The following CHRDL1 variants were observed in gnomAD, a reference collection of about 807,000 sequenced individuals.
CHRDL1 encodes chordin like 1.
A neutral mutation model predicts 40.9 loss-of-function variants in CHRDL1; 19 were observed. That is an observed-to-expected ratio of 0.46 (90% confidence interval 0.32 to 0.68). The LOEUF is 0.68. Among genes scored for constraint, CHRDL1 ranks in the 30% least tolerant of loss-of-function variants. The probability of loss-of-function intolerance (pLI) is 0.03; values close to 1 mark genes in which losing one functional copy is unlikely to be tolerated. For missense variants in CHRDL1, 329 were observed against 352.1 expected (o/e 0.93, Z 0.53); for synonymous variants, 136 against 123.4 (o/e 1.10, Z -0.68).
At chrX:110,700,071 T>C (rs756661697) in intron 7 of CHRDL1, among the ~76,000 whole-genome samples, 129 of 112,248 alleles carry the variant, frequency 1.1e-3, no homozygotes, top group Middle Eastern at 4.6e-3. Flanking sequence ...TCCTTCAAAA[T>C]ACAAAAGAAC....
intron 4 of CHRDL1, among the ~76,000 whole-genome samples, chrX:110,758,634 T>G (rs1376413619): frequency 9.0e-6 from 1 of 111,553 alleles, no homozygotes; most frequent in African/African-American, 3.3e-5. Context: ...ACATTTGGTT[T>G]CTCTCTTATA....
At chrX:110,687,826 G>A (rs1301633654) in intron 9 of CHRDL1, among the ~76,000 whole-genome samples, 1 of 110,686 alleles carries the variant, frequency 9.0e-6, no homozygotes, top group Non-Finnish European at 1.9e-5. Context: ...CCAATATTAG[G>A]GACTATATTT....
intron 4 of CHRDL1, among the ~76,000 whole-genome samples, chrX:110,742,976 G>T (rs781566253): frequency 8.9e-6 from 1 of 111,953 alleles, no homozygotes; most frequent in Non-Finnish European, 1.9e-5. Context: ...AGTATCCAGC[G>T]AATGGGATAA....
At position 110,729,740 on chromosome X, in the gene CHRDL1, C is replaced by T. The variant is rs1044213619; in HGVS notation, c.302-8210G>A. On this transcript the variant is annotated intron_variant, in intron 4 of 11. Transcript: ENST00000372042. ...CCTAGGGAGAGGAGAAGCCTTACTT[C>T]AGAGTGTCCCATTTGGATTCAAATT... is the stretch of plus-strand genomic sequence containing the variant. 2.7e-5 allele frequency among the ~76,000 whole-genome samples: 3 copies of T among 111,658 alleles called. No homozygotes were observed. The Admixed American group carries it at 2.8e-4, about 11-fold the overall frequency.
At chrX:110,760,430 A>G (rs1278561792) in intron 3 of CHRDL1, among the ~76,000 whole-genome samples, 1 of 112,439 alleles carries the variant, frequency 8.9e-6, no homozygotes, top group East Asian at 2.8e-4. Flanking sequence ...TTTCATTTAC[A>G]TTTTCCATCC....
rs1474010792 is a variant in CHRDL1 at position 110,694,224 on chromosome X, G to C, written c.717C>G (p.Ser239=). 10 of 1,207,640 alleles carry C rather than the reference G, an allele frequency of 8.3e-6. No homozygotes were observed. Among genetic ancestry groups the C allele is most frequent in the Non-Finnish European group, 1.1e-5 (10 of 893,116 alleles). The change falls in exon 8 of 12, where the codon TCC becomes TCG. Residue 239 remains serine, a synonymous_variant. Coordinates refer to ENST00000372042, the MANE Select transcript of CHRDL1 (RefSeq NM_001143981.2). ...GCACAATGGTTCCTGATGCTTGCTG[G>C]GAATCCATAAGAGCTCCCCGGTGAC... is the stretch of plus-strand genomic sequence containing the variant. The part of the protein sequence containing the change: ...ARSHRGALMD[S]QQASGTIVQI...
At chrX:110,700,134 A>C (rs1461443988) in intron 7 of CHRDL1, among the ~76,000 whole-genome samples, 2 of 112,112 alleles carry the variant, frequency 1.8e-5, no homozygotes, top group Admixed American at 9.5e-5. Flanking sequence ...GCTTATTCTG[A>C]GATTAGTGCA....
chrX:110,769,675 T>A (rs1170067323), intron 2 of CHRDL1, among the ~76,000 whole-genome samples: 3 of 112,164 alleles, frequency 2.7e-5, no homozygotes, highest in Admixed American at 9.4e-5. Flanking sequence ...ACATCTCACA[T>A]GGCAGCATTC....
In CHRDL1 at chrX:110,689,460, ATATATATC is replaced by A. The variant is rs1209955497; in HGVS notation, c.779-665_779-658del. ...TATATCTATATATATCTATATATCTATATATATCTATATATCTATATATCTATATCTCT... is the reference window on the plus strand; with the variant it reads ...TATATCTATATATATCTATATATCTATATATATCTATATATCTATATCTCT... On this transcript the variant is annotated intron_variant, in intron 8 of 11. Coordinates refer to ENST00000372042, the MANE Select transcript of CHRDL1 (RefSeq NM_001143981.2). Among the ~76,000 whole-genome samples the A allele has an allele frequency of 5.0e-4, 26 of 52,417 alleles. 1 individual carries two copies. In the East Asian group the frequency reaches 5.7e-3, roughly 12 times the overall value. 45.5% of individuals were successfully genotyped at this position (52,417 alleles called of 115,157 possible).
intron 4 of CHRDL1, among the ~76,000 whole-genome samples, chrX:110,751,065 C>T (rs926963542): frequency 9.0e-6 from 1 of 111,308 alleles, no homozygotes. Context: ...AGTCCTCAAT[C>T]CGACTGCATC....
intron 4 of CHRDL1, among the ~76,000 whole-genome samples, chrX:110,745,601 C>A (rs942218721): frequency 1.8e-5 from 2 of 112,009 alleles, no homozygotes; most frequent in African/African-American, 6.5e-5. Context: ...GTGCCTGATT[C>A]CTGGCTCTTG....
At position 110,698,356 on chromosome X, in the gene CHRDL1, C is replaced by T. The variant is rs146518997; in HGVS notation, c.609+2298G>A. ...CCACTCCACCATCACACACATTTTACGCCACCTCCCACACCCATTCATTCA... is the reference window on the plus strand; with the variant it reads ...CCACTCCACCATCACACACATTTTATGCCACCTCCCACACCCATTCATTCA... On this transcript the variant is annotated intron_variant, in intron 7 of 11. Coordinates refer to ENST00000372042, the MANE Select transcript of CHRDL1 (RefSeq NM_001143981.2). 5.4e-3 allele frequency among the ~76,000 whole-genome samples: 604 copies of T among 111,477 alleles called. 13 individuals are homozygous for T. The highest frequency in any genetic ancestry group is 0.019 in the African/African-American group (580 of 30,505).
At chrX:110,779,183 C>T (rs2089901013) in intron 2 of CHRDL1, among the ~76,000 whole-genome samples, 1 of 110,976 alleles carries the variant, frequency 9.0e-6, no homozygotes, top group Non-Finnish European at 1.9e-5. Context: ...ATTATCTGTA[C>T]ACCAACCCCC....
At chrX:110,778,985 A>T (rs1433259398) in intron 2 of CHRDL1, among the ~76,000 whole-genome samples, 1 of 111,752 alleles carries the variant, frequency 8.9e-6, no homozygotes, top group African/African-American at 3.2e-5. Flanking sequence ...TCCTTAGCAA[A>T]CTAATGCAGG....
intron 4 of CHRDL1, among the ~76,000 whole-genome samples, chrX:110,734,151 T>C (rs1046935814): frequency 1.8e-5 from 2 of 111,202 alleles, no homozygotes; most frequent in African/African-American, 6.6e-5. Flanking sequence ...CAGAATCGAT[T>C]TCTTCTGGGA....
intron 5 of CHRDL1, 46 bp downstream of exon 5, chrX:110,721,339 G>A (rs2070947358): frequency 8.7e-7 from 1 of 1,154,061 alleles, no homozygotes; most frequent in Non-Finnish European, 1.2e-6. Context: ...GGAAGCTCTT[G>A]TATTTGAGTA....
rs758709347 is a variant in CHRDL1 at position 110,721,573 on chromosome X, T to C, written c.302-43A>G. The stretch of plus-strand genomic sequence containing the variant: ...AAAACCACACTGAGTATTGGCATCA[T>C]TGACAAGAATTTCATAAATCCCAAC... On this transcript the variant is annotated intron_variant, in intron 4 of 11. Transcript: ENST00000372042. 19 of 1,112,197 alleles carry C rather than the reference T, an allele frequency of 1.7e-5. No individual in the cohort carries two copies. In the East Asian group the frequency reaches 4.5e-4, roughly 26 times the overall value. The allele number at this position is 1,112,197 out of a possible 1,213,427, so 91.7% of individuals were successfully genotyped here. A position where few individuals can be genotyped will look rare whatever the true frequency, so the allele number is the denominator to read the frequency against.
chrX:110,707,461 A>G (rs1368176468), intron 6 of CHRDL1, among the ~76,000 whole-genome samples: 1 of 111,618 alleles, frequency 9.0e-6, no homozygotes, highest in Non-Finnish European at 1.9e-5. Context: ...CCAATGGAAC[A>G]GAACAGAGGC....
At chrX:110,704,619 G>A (rs2070585654) in intron 6 of CHRDL1, among the ~76,000 whole-genome samples, 1 of 111,597 alleles carries the variant, frequency 9.0e-6, no homozygotes, top group South Asian at 3.8e-4. Flanking sequence ...GGAAGGCAAA[G>A]GGGAAATCAG....
Sources: gnomAD v4.1 joint callset for allele counts (sites outside exome capture counted in the v4.1 genomes callset) on GRCh38, gnomAD v4.1.1 for gene constraint, MANE v1.5 for transcripts, NCBI Gene and HGNC (gene_info 2026-07-23, HGNC 2026-07-21) for gene names.